ANKRD31: variants seen among roughly 807,000 people sequenced by gnomAD.
ANKRD31 encodes the protein ankyrin repeat domain-containing protein 31.
In ANKRD31, 147 loss-of-function variants were observed where a neutral mutation model predicts 186.0. The observed-to-expected ratio is 0.79, with a 90% CI of 0.69 to 0.91. The LOEUF is 0.91. ANKRD31 is among the 40% of genes least tolerant of loss of function. The probability of loss-of-function intolerance (pLI) is 0.00; values close to 1 mark genes in which losing one functional copy is unlikely to be tolerated. For missense variants in ANKRD31, 1,986 were observed against 2,148.8 expected, an observed-to-expected ratio of 0.92 and a Z score of 1.50; for synonymous variants, 673 against 736.4, an observed-to-expected ratio of 0.91 and a Z score of 1.39.
At chr5:75,156,326 T>C (rs1752171848) in intron 11 of ANKRD31, among the ~76,000 whole-genome samples, 1 of 152,186 alleles carries the variant, frequency 6.6e-6, no homozygotes, top group African/African-American at 2.4e-5. Flanking sequence ...GAGATGTGTG[T>C]GTATGTATGT....
intron 11 of ANKRD31, among the ~76,000 whole-genome samples, chr5:75,159,503 T>C (rs1037761770): frequency 5.3e-5 from 8 of 151,920 alleles, no homozygotes; most frequent in Non-Finnish European, 1.2e-4. Flanking sequence ...GAACTTATCA[T>C]TTAGATAAGA....
At chr5:75,153,119 G>A (rs543233728) in intron 12 of ANKRD31, among the ~76,000 whole-genome samples, 1 of 152,158 alleles carries the variant, frequency 6.6e-6, no homozygotes, top group East Asian at 1.9e-4. Context: ...CAGCCTTATG[G>A]AGAAGCTAAT....
At chr5:75,210,194 G>T (rs964922032) in intron 4 of ANKRD31, among the ~76,000 whole-genome samples, 8 of 151,792 alleles carry the variant, frequency 5.3e-5, no homozygotes, top group Non-Finnish European at 8.8e-5. Flanking sequence ...TTGCTTTCGA[G>T]ACAGAGTCTT....
intron 2 of ANKRD31, among the ~76,000 whole-genome samples, chr5:75,227,672 T>C (rs758699244): frequency 6.6e-6 from 1 of 152,194 alleles, no homozygotes; most frequent in Non-Finnish European, 1.5e-5. Context: ...TATCCTAATA[T>C]AGCATAGTTT....
Position 75,068,590 on chromosome 5 carries a change from C to T in ANKRD31, c.5722G>A (p.Glu1908Lys). The T allele has an allele frequency of 6.6e-7, 1 of 1,525,732 alleles. No homozygotes were observed. Among genetic ancestry groups the T allele is most frequent in the Non-Finnish European group, 8.8e-7 (1 of 1,142,078 alleles). The allele number at this position is 1,525,732 out of a possible 1,614,324, so 94.5% of individuals were successfully genotyped here. A position where few individuals can be genotyped will look rare whatever the true frequency, so the allele number is the denominator to read the frequency against. Residue 1908 changes from glutamate to lysine, a missense_variant, in exon 26 of 26, where the codon GAA (glutamate) becomes AAA (lysine). Coordinates refer to ENST00000506364, the MANE Select transcript of ANKRD31 (RefSeq NM_001372053.1). ...TCCATTATGTGGCATGGGAGAAATTCTTGATCACTGATTAATAGTATTTCA... is the reference window on the plus strand; with the variant it reads ...TCCATTATGTGGCATGGGAGAAATTTTTGATCACTGATTAATAGTATTTCA... The part of the protein sequence containing the change: ...INEILLISDQ[E>K]FLPCHIMDQH...
At chr5:75,160,797 G>A (rs989653955) in intron 11 of ANKRD31, among the ~76,000 whole-genome samples, 27 of 152,266 alleles carry the variant, frequency 1.8e-4, no homozygotes, top group African/African-American at 6.3e-4. Context: ...TCTATGAACA[G>A]TGTTCTCATG....
Position 75,084,256 on chromosome 5 carries a change from G to A in ANKRD31, c.5575+16C>T. On this transcript the variant is annotated intron_variant, in intron 24 of 25. Coordinates refer to ENST00000506364, the MANE Select transcript of ANKRD31 (RefSeq NM_001372053.1). ...TTTATCCCACAACGAAGAAATGAGT[G>A]TTGTTCTGTACATACCTGGAAGACA... 6.6e-7 allele frequency: 1 copy of A among 1,515,290 alleles called. No individual in the cohort carries two copies. The allele number at this position is 1,515,290 out of a possible 1,614,324, so 93.9% of individuals were successfully genotyped here. A position where few individuals can be genotyped will look rare whatever the true frequency, so the allele number is the denominator to read the frequency against.
intron 5 of ANKRD31, among the ~76,000 whole-genome samples, 174 bp downstream of exon 5, chr5:75,206,216 CAAAAAAAAAAAAAAAAAAAAA>C (rs1191388849): frequency 8.1e-4 from 12 of 14,906 alleles, no homozygotes; most frequent in East Asian, 6.2e-3. Flanking sequence ...ACATCTCTAC[CAAAAAAAAAAAAAAAAAAAAA>C]AAAAAAAAAA....
At chr5:75,209,110 A>G (rs1227667125) in intron 4 of ANKRD31, among the ~76,000 whole-genome samples, 1 of 152,206 alleles carries the variant, frequency 6.6e-6, no homozygotes, top group Non-Finnish European at 1.5e-5. Flanking sequence ...TAGGAAACTC[A>G]AACAAAATTA....
chr5:75,073,026 G>A (rs549208402), intron 25 of ANKRD31, among the ~76,000 whole-genome samples: 32 of 152,254 alleles, frequency 2.1e-4, no homozygotes, highest in African/African-American at 7.2e-4. Flanking sequence ...TGATCCTCTT[G>A]AGATGATGCA....
chr5:75,166,573 C>T (rs1752940909), intron 11 of ANKRD31, among the ~76,000 whole-genome samples: 2 of 152,076 alleles, frequency 1.3e-5, no homozygotes, highest in Admixed American at 1.3e-4. Flanking sequence ...ATGTGAATCC[C>T]CAAATCAATG....
At chr5:75,210,075 A>G (rs1756514737) in intron 4 of ANKRD31, among the ~76,000 whole-genome samples, 1 of 152,230 alleles carries the variant, frequency 6.6e-6, no homozygotes, top group Non-Finnish European at 1.5e-5. Flanking sequence ...ATGGATTCCC[A>G]AAGTGTTCAC....
chr5:75,104,665 A>C lies in ANKRD31; in HGVS notation c.4894T>G (p.Phe1632Val). The C allele has an allele frequency of 6.5e-7, 1 of 1,535,908 alleles. No homozygotes were observed. The highest frequency in any genetic ancestry group is 8.7e-7 in the Non-Finnish European group (1 of 1,146,394). ...LTEATDKDHE[F>V]YVSSPVIGKL... is the part of the protein sequence containing the mutation. ...CCGATTACTGGGGAAGAAACATAGAATTCATGGTCTTTGTCTGTAGCTTCT... is the reference window on the plus strand; with the variant it reads ...CCGATTACTGGGGAAGAAACATAGACTTCATGGTCTTTGTCTGTAGCTTCT... The change falls in exon 22 of 26, where the codon TTC becomes GTC. Residue 1632 changes from phenylalanine (F) to valine (V), a missense_variant. Transcript: ENST00000506364.
In ANKRD31 at chr5:75,177,047, T is replaced by G. The variant is rs191082433; in HGVS notation, c.1565-7926A>C. On this transcript the variant is annotated intron_variant, in intron 10 of 25. Coordinates refer to ENST00000506364, the MANE Select transcript of ANKRD31 (RefSeq NM_001372053.1). Reference sequence around the variant, plus strand: ...GCAGAGAAGTCCTTAAAGGACCTAATGGAGCTGGAAACCACGGCACGAGAA... The same window carrying G: ...GCAGAGAAGTCCTTAAAGGACCTAAGGGAGCTGGAAACCACGGCACGAGAA... Among the ~76,000 whole-genome samples the G allele has an allele frequency of 5.3e-5, 8 of 152,258 alleles. No individual in the cohort carries two copies. The East Asian group carries it at 1.5e-3, about 29-fold the overall frequency.
In ANKRD31 at chr5:75,116,225, C is replaced by T. The variant is rs1044454533; in HGVS notation, c.4155+341G>A. 6.4e-5 allele frequency among the ~76,000 whole-genome samples: 8 copies of T among 124,822 alleles called. No individual in the cohort carries two copies. In the Admixed American group the frequency reaches 7.6e-4, roughly 12 times the overall value. The allele number at this position is 124,822 out of a possible 152,430, so 81.9% of individuals were successfully genotyped here. A position where few individuals can be genotyped will look rare whatever the true frequency, so the allele number is the denominator to read the frequency against. On this transcript the variant is annotated intron_variant, in intron 19 of 25. Transcript: ENST00000506364. ...ATTGAACAATGAGAACACATGGACA[C>T]AGGAAGGGGAACATCACACTCTGGG...
At position 75,151,340 on chromosome 5, in the gene ANKRD31, C is replaced by T. The variant is rs112613394; in HGVS notation, c.1853-2712G>A. ...GGTTTGGCTGTGTCCCCTTCCAAAT[C>T]TTATCTTGAATTGTATCTCCCATAA... On this transcript the variant is annotated intron_variant, in intron 12 of 25. Coordinates refer to ENST00000506364, the MANE Select transcript of ANKRD31 (RefSeq NM_001372053.1). Among the ~76,000 whole-genome samples the T allele has an allele frequency of 8.5e-3, 1,291 of 152,076 alleles. 18 individuals are homozygous for T. The highest frequency in any genetic ancestry group is 0.028 in the African/African-American group (1,183 of 41,542).
Position 75,104,539 on chromosome 5 carries a change from T to C in ANKRD31, c.5020A>G (p.Arg1674Gly), listed in dbSNP as rs1747173672. Residue 1674 changes from arginine to glycine, a missense_variant, in exon 22 of 26, where the codon AGA becomes GGA. Transcript: ENST00000506364. Reference sequence around the variant, plus strand: ...TGGGAACTTGTTTTTCTGTTTCCTCTTTTGGGATCATAATTGGAAAGGTCC... The same window carrying C: ...TGGGAACTTGTTTTTCTGTTTCCTCCTTTGGGATCATAATTGGAAAGGTCC... Reference protein sequence around the residue: ...DQDLSNYDPKRGNRKTSSQQS... With the variant: ...DQDLSNYDPKGGNRKTSSQQS... 1 of 1,536,920 alleles carries C rather than the reference T, an allele frequency of 6.5e-7. No individual in the cohort carries two copies. Among genetic ancestry groups the C allele is most frequent in the Non-Finnish European group, 8.7e-7 (1 of 1,146,820 alleles).
chr5:75,208,102 A>G (rs1429780699), intron 4 of ANKRD31, among the ~76,000 whole-genome samples: 1 of 152,176 alleles, frequency 6.6e-6, no homozygotes, highest in Non-Finnish European at 1.5e-5. Flanking sequence ...GCAATTTTTG[A>G]CATTTTTAAT....
intron 25 of ANKRD31, among the ~76,000 whole-genome samples, chr5:75,071,525 C>T (rs1744227847): frequency 6.9e-6 from 1 of 145,186 alleles, no homozygotes; most frequent in Non-Finnish European, 1.5e-5. Flanking sequence ...GGTGGAGTCT[C>T]GGTCTTGTCA....
Sources: gnomAD v4.1 joint callset for allele counts (sites outside exome capture counted in the v4.1 genomes callset) on GRCh38, gnomAD v4.1.1 for gene constraint, MANE v1.5 for transcripts, NCBI Gene and HGNC (gene_info 2026-07-23, HGNC 2026-07-21) for gene names.